HDAC9: variants seen among roughly 807,000 people sequenced by gnomAD.
HDAC9 encodes the protein MEF-2 interacting transcription repressor (MITR) protein.
Under a neutral mutation model 139.4 loss-of-function variants are expected in HDAC9, and 41 were observed. The observed-to-expected ratio is 0.29, with a 90% CI of 0.23 to 0.38. The LOEUF is 0.38. HDAC9 is among the 10% of genes least tolerant of loss of function. The pLI is 1.00. For synonymous variants in HDAC9, 517 were observed against 476.2 expected (o/e 1.09, Z -1.12); for missense variants, 1,147 against 1,297.0 (o/e 0.88, Z 1.78).
chr7:18,198,341 A>G (rs187839665), intron 2 of HDAC9, among the ~76,000 whole-genome samples: 83 of 152,246 alleles, frequency 5.5e-4, no homozygotes, highest in African/African-American at 1.9e-3. Context: ...TTTTTCTTTT[A>G]ATATCAACAC....
chr7:18,545,150 C>T (rs1280473001), intron 2 of HDAC9, among the ~76,000 whole-genome samples: 1 of 152,110 alleles, frequency 6.6e-6, no homozygotes, highest in African/African-American at 2.4e-5. Flanking sequence ...GCTTAGACAC[C>T]CCAGGGTGGA....
chr7:18,188,774 A>G (rs954833673), intron 2 of HDAC9, among the ~76,000 whole-genome samples: 32 of 152,244 alleles, frequency 2.1e-4, no homozygotes, highest in African/African-American at 7.2e-4. Context: ...GAGAAATGCA[A>G]ATCAAAACCA....
At chr7:18,307,353 T>C (rs1205285171) in intron 1 of HDAC9, among the ~76,000 whole-genome samples, 1 of 152,144 alleles carries the variant, frequency 6.6e-6, no homozygotes, top group Non-Finnish European at 1.5e-5. Context: ...AATATGAGAA[T>C]CATCTTGAAC....
chr7:18,576,779 G>T (rs1826101230), intron 2 of HDAC9, among the ~76,000 whole-genome samples: 1 of 151,994 alleles, frequency 6.6e-6, no homozygotes, highest in South Asian at 2.1e-4. Context: ...AAAAATACAG[G>T]GATACTGGAG....
chr7:18,658,700 A>C (rs1202152913), intron 11 of HDAC9, among the ~76,000 whole-genome samples: 2 of 151,978 alleles, frequency 1.3e-5, no homozygotes, highest in African/African-American at 2.4e-5. Flanking sequence ...TTGGAGTTCT[A>C]CTCCAAGTAG....
chr7:18,267,358 T>C (rs302183), intron 2 of HDAC9, among the ~76,000 whole-genome samples: 2,716 of 152,248 alleles, frequency 0.018, 97 homozygotes, highest in African/African-American at 0.063. Context: ...TTATTAGCTA[T>C]AGTCACCATG....
At chr7:18,352,851 A>G (rs907626943) in intron 1 of HDAC9, among the ~76,000 whole-genome samples, 1 of 152,108 alleles carries the variant, frequency 6.6e-6, no homozygotes, top group African/African-American at 2.4e-5. Flanking sequence ...GTCTTACTCT[A>G]AAATACAAAT....
At chr7:18,476,490 A>T (rs1366343154) in intron 1 of HDAC9, among the ~76,000 whole-genome samples, 1 of 151,608 alleles carries the variant, frequency 6.6e-6, no homozygotes, top group Middle Eastern at 3.2e-3. Context: ...GGCTGACTAG[A>T]TCTGCCTCTA....
chr7:18,213,368 G>A (rs2731557), intron 2 of HDAC9, among the ~76,000 whole-genome samples: 59,896 of 151,946 alleles, frequency 0.39, 13,527 homozygotes, highest in Admixed American at 0.52. Flanking sequence ...GTTGCTTTAC[G>A]TGTAGAAAGA....
At chr7:18,741,259 G>A (rs565596554) in intron 13 of HDAC9, among the ~76,000 whole-genome samples, 3 of 152,306 alleles carry the variant, frequency 2.0e-5, no homozygotes, top group African/African-American at 7.2e-5. Flanking sequence ...TCAATGACTG[G>A]CTTCAAAGAA....
chr7:18,547,240 C>T (rs1015305586), intron 2 of HDAC9, among the ~76,000 whole-genome samples: 1 of 151,460 alleles, frequency 6.6e-6, no homozygotes, highest in Admixed American at 6.6e-5. Context: ...CTGACACTTT[C>T]TTTTTTTTTC....
At chr7:18,951,674 A>G (rs1782802840) in intron 23 of HDAC9, among the ~76,000 whole-genome samples, 1 of 151,888 alleles carries the variant, frequency 6.6e-6, no homozygotes, top group Admixed American at 6.6e-5. Flanking sequence ...TGCTGTATCT[A>G]ATCACCTAAA....
chr7:18,988,071 G>T (rs920698731), intron 25 of HDAC9, among the ~76,000 whole-genome samples: 1 of 152,044 alleles, frequency 6.6e-6, no homozygotes, highest in Non-Finnish European at 1.5e-5. Flanking sequence ...ATTCAGTTCT[G>T]CTCTGATTTT....
chr7:18,727,576 A>G lies in HDAC9; in HGVS notation c.1732-4A>G. The stretch of plus-strand genomic sequence containing the variant: ...TTTCTACTGTGCTCTTTTCTTGGCA[A>G]CAGCCTTTCCTGGAACCCACGCACA... On this transcript the variant is annotated splice_polypyrimidine_tract_variant and splice_region_variant and intron_variant, in intron 12 of 25. Transcript: ENST00000686413. 1 of 1,588,114 alleles carries G rather than the reference A, an allele frequency of 6.3e-7. No individual in the cohort carries two copies. Among genetic ancestry groups the G allele is most frequent in the Non-Finnish European group, 8.6e-7 (1 of 1,167,902 alleles).
intron 1 of HDAC9, among the ~76,000 whole-genome samples, chr7:18,154,351 T>C (rs142812457): frequency 9.5e-4 from 145 of 152,322 alleles, no homozygotes; most frequent in African/African-American, 3.3e-3. Flanking sequence ...AGATACCTGC[T>C]GTAACCCTAG....
intron 2 of HDAC9, among the ~76,000 whole-genome samples, chr7:18,250,404 T>G (rs997031550): frequency 2.0e-5 from 3 of 152,224 alleles, no homozygotes; most frequent in Admixed American, 2.0e-4. Flanking sequence ...TAAGCAAACC[T>G]TCCAACTTTT....
At chr7:18,920,075 A>T (rs938278641) in intron 22 of HDAC9, among the ~76,000 whole-genome samples, 1 of 152,056 alleles carries the variant, frequency 6.6e-6, no homozygotes, top group East Asian at 1.9e-4. Flanking sequence ...TGAATCTATA[A>T]ATTACCTTGG....
chr7:18,830,208 G>A (rs959303938), intron 19 of HDAC9, among the ~76,000 whole-genome samples: 50 of 152,154 alleles, frequency 3.3e-4, no homozygotes, highest in Admixed American at 1.8e-3. Context: ...TGAATAATGA[G>A]CTGGAGATCT....
chr7:18,994,978 A>T (rs961418944), intron 25 of HDAC9, among the ~76,000 whole-genome samples: 23 of 152,350 alleles, frequency 1.5e-4, no homozygotes, highest in Admixed American at 1.5e-3. Flanking sequence ...TAGCAAAGGC[A>T]TAACTCTGCA....
Sources: gnomAD v4.1 joint callset for allele counts (sites outside exome capture counted in the v4.1 genomes callset) on GRCh38, gnomAD v4.1.1 for gene constraint, MANE v1.5 for transcripts, NCBI Gene and HGNC (gene_info 2026-07-23, HGNC 2026-07-21) for gene names.